The following TOR3A variants were observed in gnomAD, a reference collection of about 807,000 sequenced individuals.
TOR3A encodes torsin family 3 member A.
A neutral mutation model predicts 42.1 loss-of-function variants in TOR3A; 44 were observed. The ratio of observed to expected loss-of-function variants is 1.04; its 90% CI spans 0.82 to 1.34. The LOEUF (loss-of-function observed/expected upper bound fraction) is 1.34. Ranked by LOEUF, TOR3A falls within the 40% of genes most tolerant of loss-of-function variation. The pLI, the probability that TOR3A is intolerant of heterozygous loss-of-function variation, is 0.00. For synonymous variants in TOR3A, 227 were observed against 213.2 expected (o/e 1.06, Z -0.57); for missense variants, 521 against 507.6 (o/e 1.03, Z -0.25).
At position 179,094,009 on chromosome 1, in the gene TOR3A, C is replaced by T. The variant is rs974837023; in HGVS notation, c.819-84C>T. ...CCCTCAGCCTCTATTCTTCCAGGCACTAATGCATTGGTTTCAGCGGTGAGA... is the reference window on the plus strand; with the variant it reads ...CCCTCAGCCTCTATTCTTCCAGGCATTAATGCATTGGTTTCAGCGGTGAGA... On this transcript the variant is annotated intron_variant, in intron 4 of 5. Transcript: ENST00000367627. 9.9e-5 allele frequency: 151 copies of T among 1,521,980 alleles called. 2 individuals carry two copies. The South Asian group carries it at 1.9e-3, about 19-fold the overall frequency. 94.3% of individuals were successfully genotyped at this position (1,521,980 alleles called of 1,614,324 possible).
chr1:179,088,973 G>C (rs774718321), intron 4 of TOR3A, among the ~76,000 whole-genome samples: 45 of 152,248 alleles, frequency 3.0e-4, no homozygotes, highest in Admixed American at 8.5e-4. Context: ...TTGCTTGCTG[G>C]GGGGGTTTCC....
Position 179,088,071 on chromosome 1 carries a change from C to G in TOR3A, c.800C>G (p.Thr267Ser). The change falls in exon 4 of 6, where the codon ACT becomes AGT. Residue 267 changes from threonine to serine, a missense_variant. Thr to Ser is a moderately conservative substitution (Grantham distance 58). Coordinates refer to ENST00000367627, the MANE Select transcript of TOR3A (RefSeq NM_022371.4). ...PEGHRAESPWTIFLFLSNLRG... is the reference protein window; with the variant it reads ...PEGHRAESPWSIFLFLSNLRG... ...GGCCACAGGGCTGAGTCTCCATGGA[C>G]TATCTTTCTGTTTCTCAGGTGGGTT... 2 of 1,595,342 alleles carry G rather than the reference C, an allele frequency of 1.3e-6. No individual in the cohort carries two copies. The highest frequency in any genetic ancestry group is 8.5e-7 in the Non-Finnish European group (1 of 1,172,956).
intron 3 of TOR3A, among the ~76,000 whole-genome samples, chr1:179,086,389 G>A (rs1447873471): frequency 1.3e-5 from 2 of 152,306 alleles, no homozygotes; most frequent in South Asian, 2.1e-4. Context: ...CCTATTGGCC[G>A]GACATGGTGG....
Position 179,082,153 on chromosome 1 carries a change from C to A in TOR3A, c.25C>A (p.Leu9Ile), listed in dbSNP as rs763340126. ...CATGCTTCGCGGTCCGTGGCGCCAG[C>A]TTTGGCTCTTTTTCCTGCTGCTGCT... MLRGPWRQ[L>I]WLFFLLLLPG... is the part of the protein sequence containing the mutation. Residue 9 changes from leucine to isoleucine, a missense_variant, in exon 1 of 6, where the codon CTT becomes ATT. Coordinates refer to ENST00000367627, the MANE Select transcript of TOR3A (RefSeq NM_022371.4). 6.6e-7 allele frequency: 1 copy of A among 1,510,154 alleles called. No homozygotes were observed. The highest frequency in any genetic ancestry group is 8.8e-7 in the Non-Finnish European group (1 of 1,139,422). 93.5% of individuals were successfully genotyped at this position (1,510,154 alleles called of 1,614,324 possible).
intron 1 of TOR3A, 51 bp downstream of exon 1, chr1:179,082,438 C>T (rs775141926): frequency 6.4e-7 from 1 of 1,551,492 alleles, no homozygotes; most frequent in Non-Finnish European, 8.7e-7. Flanking sequence ...AGAGTGCGAT[C>T]CGGGCGCGGC....
chr1:179,082,875 G>A lies in TOR3A; in HGVS notation c.260-65G>A. ...CTGTCCCTGACAAGTTGTGTGGCAA[G>A]GTTGCCGCATCACTGTAGAGCACCG... On this transcript the variant is annotated intron_variant, in intron 1 of 5. Coordinates refer to ENST00000367627, the MANE Select transcript of TOR3A (RefSeq NM_022371.4). 4.6e-6 allele frequency: 5 copies of A among 1,087,160 alleles called. No individual in the cohort carries two copies. The South Asian group carries it at 5.4e-5, about 12-fold the overall frequency. 67.3% of individuals were successfully genotyped at this position (1,087,160 alleles called of 1,614,324 possible).
intron 2 of TOR3A, 92 bp from the exon 3 acceptor site, chr1:179,085,536 A>G (rs762905290): frequency 2.6e-6 from 4 of 1,513,348 alleles, no homozygotes; most frequent in African/African-American, 2.8e-5. Flanking sequence ...CCCGAGAGAG[A>G]TTCAGAGTTG....
At chr1:179,090,955 T>G (rs756905014) in intron 4 of TOR3A, among the ~76,000 whole-genome samples, 2 of 151,896 alleles carry the variant, frequency 1.3e-5, no homozygotes, top group African/African-American at 4.8e-5. Flanking sequence ...ATTTGTGGAG[T>G]CGTGGTGGGC....
Position 179,095,340 on chromosome 1 carries a change from TAACA to T in TOR3A, c.*127_*130del, listed in dbSNP as rs1408048612. 12 of 1,528,710 alleles carry T rather than the reference TAACA, an allele frequency of 7.8e-6. No individual in the cohort carries two copies. Among genetic ancestry groups the T allele is most frequent in the South Asian group, 2.6e-5 (2 of 77,080 alleles). 94.7% of individuals were successfully genotyped at this position (1,528,710 alleles called of 1,614,324 possible). A position where few individuals can be genotyped will look rare whatever the true frequency, so the allele number is the denominator to read the frequency against. ...GTGTGGACTGGCATCCAGCAGCCACTAACAAACACACAACTGGTGTGTAAAAGGC... is the reference window on the plus strand; with the variant it reads ...GTGTGGACTGGCATCCAGCAGCCACTAACACACAACTGGTGTGTAAAAGGC... On this transcript the variant is annotated 3_prime_UTR_variant, in exon 6 of 6. Coordinates refer to ENST00000367627, the MANE Select transcript of TOR3A (RefSeq NM_022371.4).
intron 3 of TOR3A, 24 bp downstream of exon 3, chr1:179,085,917 G>A (rs538791659): frequency 6.2e-7 from 1 of 1,607,344 alleles, no homozygotes; most frequent in Non-Finnish European, 8.5e-7. Context: ...GGGCTGGGGT[G>A]AGGCCTCTGT....
intron 2 of TOR3A, among the ~76,000 whole-genome samples, chr1:179,084,498 A>T (rs1030530255): frequency 1.3e-5 from 2 of 152,246 alleles, no homozygotes; most frequent in Non-Finnish European, 2.9e-5. Flanking sequence ...TGCTGGGATT[A>T]CAGGCGGGAA....
chr1:179,094,357 C>T (rs1363016394), intron 5 of TOR3A, 140 bp downstream of exon 5: 5 of 1,116,970 alleles, frequency 4.5e-6, no homozygotes, highest in Non-Finnish European at 6.1e-6. Context: ...CATTGTCAAC[C>T]CTGGGTGGGC....
rs923873386 is a variant in TOR3A, at chr1:179,083,331, G to T, written c.373+278G>T. 3.1e-5 allele frequency among the ~76,000 whole-genome samples: 3 copies of T among 97,854 alleles called. No individual in the cohort carries two copies. The South Asian group carries it at 8.8e-4, about 29-fold the overall frequency. 64.2% of individuals were successfully genotyped at this position (97,854 alleles called of 152,430 possible). A position where few individuals can be genotyped will look rare whatever the true frequency, so the allele number is the denominator to read the frequency against. On this transcript the variant is annotated intron_variant, in intron 2 of 5. Coordinates refer to ENST00000367627, the MANE Select transcript of TOR3A (RefSeq NM_022371.4). ...ACAGAAACAGCTACCTCTCAGAGGG[G>T]GCTGGAACTATCCAGAGAGAACTGA...
At position 179,086,621 on chromosome 1, in the gene TOR3A, GTGCCGC is replaced by G. The variant is rs1652443625; in HGVS notation, c.639+732_639+737del. On this transcript the variant is annotated intron_variant, in intron 3 of 5. Coordinates refer to ENST00000367627, the MANE Select transcript of TOR3A (RefSeq NM_022371.4). ...GCGGAGCTTGCAGTGAGCCGAGATC[GTGCCGC>G]TGCACTCCAGCCTGGGCAACAGAGC... 3.4e-5 allele frequency among the ~76,000 whole-genome samples: 5 copies of G among 149,174 alleles called. No individual in the cohort carries two copies. In the South Asian group the frequency reaches 1.0e-3, roughly 31 times the overall value.
At chr1:179,085,339 G>C (rs920699678) in intron 2 of TOR3A, 114 of 320,122 alleles carry the variant, frequency 3.6e-4, no homozygotes, top group Middle Eastern at 2.0e-3. Context: ...CAGGAGAATC[G>C]CTTGAACCAG....
chr1:179,094,045 G>C (rs371125829), intron 4 of TOR3A, 48 bp from the exon 5 acceptor site: 10 of 1,595,978 alleles, frequency 6.3e-6, no homozygotes, highest in African/African-American at 4.0e-5. Context: ...TAACATATAT[G>C]GAAGCTAAAT....
chr1:179,089,976 A>C (rs1004284441), intron 4 of TOR3A, among the ~76,000 whole-genome samples: 6 of 152,096 alleles, frequency 3.9e-5, no homozygotes, highest in Admixed American at 2.0e-4. Context: ...GTGACCCTGC[A>C]GTCTCCAGGC....
intron 2 of TOR3A, 54 bp downstream of exon 2, chr1:179,083,107 T>C: frequency 8.7e-7 from 1 of 1,143,956 alleles, no homozygotes; most frequent in Non-Finnish European, 1.2e-6. Context: ...GGGGAGGCAG[T>C]CCAGGGGAAA....
At chr1:179,088,201 C>A in intron 4 of TOR3A, 112 bp downstream of exon 4, 1 of 1,194,688 alleles carries the variant, frequency 8.4e-7, no homozygotes, top group South Asian at 1.7e-5. Context: ...GAAAAAACAG[C>A]ACAAACTCTG....
Sources: allele counts gnomAD v4.1 joint callset (sites outside exome capture counted in the v4.1 genomes callset), GRCh38; gene constraint gnomAD v4.1.1; transcripts MANE v1.5; gene names NCBI Gene and HGNC (gene_info 2026-07-23, HGNC 2026-07-21).